The following PACRG variants were observed in gnomAD, a reference collection of about 807,000 sequenced individuals.
The protein encoded by PACRG is parkin coregulated.
In PACRG, 29 loss-of-function variants were observed where a neutral mutation model predicts 29.7. That is an observed-to-expected ratio of 0.98 (90% confidence interval 0.73 to 1.33). The LOEUF (loss-of-function observed/expected upper bound fraction) is 1.33. PACRG is among the 40% of genes most tolerant of loss of function. The probability of loss-of-function intolerance (pLI) is 0.00; values close to 1 mark genes in which losing one functional copy is unlikely to be tolerated. For synonymous variants in PACRG, 116 were observed against 118.7 expected (o/e 0.98, Z 0.15); for missense variants, 279 against 316.2 (o/e 0.88, Z 0.89).
At chr6:163,176,877 G>A (rs779872480) in intron 4 of PACRG, among the ~76,000 whole-genome samples, 26 of 152,124 alleles carry the variant, frequency 1.7e-4, no homozygotes, top group Non-Finnish European at 3.1e-4. Context: ...AATAATGGAG[G>A]GTGTTAAATG....
intron 2 of PACRG, among the ~76,000 whole-genome samples, chr6:162,906,632 G>A (rs1208398966): frequency 2.6e-5 from 4 of 152,208 alleles, no homozygotes; most frequent in African/African-American, 9.7e-5. Context: ...ATGTGCAGGT[G>A]ATGACAGCTC....
chr6:163,028,676 T>C (rs1005546676), intron 2 of PACRG, among the ~76,000 whole-genome samples: 1 of 152,222 alleles, frequency 6.6e-6, no homozygotes, highest in Non-Finnish European at 1.5e-5. Flanking sequence ...ACATCAATAA[T>C]ATAAAGACAT....
chr6:162,739,469 C>A (rs1422708557), intron 1 of PACRG, among the ~76,000 whole-genome samples: 1 of 152,040 alleles, frequency 6.6e-6, no homozygotes, highest in African/African-American at 2.4e-5. Flanking sequence ...ATTTTTACAT[C>A]TTTTTAATAC....
At chr6:163,236,616 A>G (rs1394198190) in intron 4 of PACRG, among the ~76,000 whole-genome samples, 3 of 152,192 alleles carry the variant, frequency 2.0e-5, no homozygotes, top group East Asian at 3.9e-4. Context: ...GCCATAATCA[A>G]TTACAAATGT....
At chr6:163,043,702 C>A (rs1027332594) in intron 2 of PACRG, among the ~76,000 whole-genome samples, 15 of 152,302 alleles carry the variant, frequency 9.8e-5, no homozygotes, top group Admixed American at 7.8e-4. Flanking sequence ...CTTTCCAGAA[C>A]TGGCTGATGA....
chr6:163,173,379 A>G (rs1779181009), intron 4 of PACRG, among the ~76,000 whole-genome samples: 1 of 152,238 alleles, frequency 6.6e-6, no homozygotes. Context: ...TTCCAAAAAC[A>G]GTGGCTCCTT....
At chr6:163,065,366 A>T (rs1222426096) in intron 3 of PACRG, among the ~76,000 whole-genome samples, 2 of 152,196 alleles carry the variant, frequency 1.3e-5, no homozygotes, top group Admixed American at 1.3e-4. Flanking sequence ...TACTCCATCC[A>T]GTAGGAAAAG....
At chr6:163,224,662 C>T (rs1468530528) in intron 4 of PACRG, among the ~76,000 whole-genome samples, 1 of 152,082 alleles carries the variant, frequency 6.6e-6, no homozygotes, top group Non-Finnish European at 1.5e-5. Context: ...GGCCTTATCT[C>T]ACAACATACA....
intron 3 of PACRG, 139 bp from the exon 4 acceptor site, chr6:163,089,120 C>A: frequency 1.3e-6 from 1 of 774,766 alleles, no homozygotes; most frequent in Non-Finnish European, 2.0e-6. Context: ...TCATCCAAAG[C>A]TATAATAATA....
chr6:163,175,338 T>C (rs1213308956), intron 4 of PACRG, among the ~76,000 whole-genome samples: 1 of 152,114 alleles, frequency 6.6e-6, no homozygotes, highest in African/African-American at 2.4e-5. Flanking sequence ...GAGACTTCTG[T>C]TGAAGCTTTG....
chr6:163,220,689 G>A (rs551593474), intron 4 of PACRG, among the ~76,000 whole-genome samples: 1 of 152,050 alleles, frequency 6.6e-6, no homozygotes, highest in African/African-American at 2.4e-5. Flanking sequence ...CTTTAATTAT[G>A]TTTTTTTAAG....
intron 4 of PACRG, among the ~76,000 whole-genome samples, chr6:163,167,754 C>G (rs1778881642): frequency 2.0e-5 from 3 of 152,150 alleles, no homozygotes; most frequent in Admixed American, 2.0e-4. Context: ...CTTGATTCTG[C>G]TCAAAACTCT....
chr6:163,277,631 A>G (rs1784089491), intron 4 of PACRG, among the ~76,000 whole-genome samples: 1 of 150,150 alleles, frequency 6.7e-6, no homozygotes, highest in South Asian at 2.1e-4. Flanking sequence ...ACATATATAC[A>G]TACGTGTATA....
intron 2 of PACRG, among the ~76,000 whole-genome samples, chr6:162,908,585 A>G (rs1413865281): frequency 6.6e-6 from 1 of 152,230 alleles, no homozygotes; most frequent in East Asian, 1.9e-4. Flanking sequence ...CCATTCCGAG[A>G]CATTCCATGT....
intron 2 of PACRG, among the ~76,000 whole-genome samples, chr6:162,860,327 C>G (rs1347859491): frequency 1.3e-5 from 2 of 151,962 alleles, no homozygotes; most frequent in Non-Finnish European, 2.9e-5. Context: ...GTAGTTTTCA[C>G]CAAATGAATT....
chr6:163,150,478 C>T (rs1778035765), intron 4 of PACRG, among the ~76,000 whole-genome samples: 1 of 152,054 alleles, frequency 6.6e-6, no homozygotes, highest in South Asian at 2.1e-4. Context: ...ACCATGGGGC[C>T]GTCTCCATGC....
At chr6:162,823,656 C>A (rs942151139) in intron 2 of PACRG, among the ~76,000 whole-genome samples, 1 of 151,768 alleles carries the variant, frequency 6.6e-6, no homozygotes. Flanking sequence ...GGACTACAGG[C>A]GCCCGCCACC....
chr6:162,807,829 CA>C (rs1786488831), intron 1 of PACRG, among the ~76,000 whole-genome samples: 1 of 152,264 alleles, frequency 6.6e-6, no homozygotes, highest in Non-Finnish European at 1.5e-5. Context: ...TAAATAAACA[CA>C]ATATCTGTGA....
chr6:163,006,881 T>C lies in PACRG; in HGVS notation c.292-55269T>C, dbSNP rs556638311. Among the ~76,000 whole-genome samples, 20 of 152,190 alleles carry C rather than the reference T, an allele frequency of 1.3e-4. No homozygotes were observed. In the East Asian group the frequency reaches 3.7e-3, roughly 28 times the overall value. On this transcript the variant is annotated intron_variant, in intron 2 of 4. Transcript: ENST00000366888. The stretch of plus-strand genomic sequence containing the variant: ...GCAGCTTATAATGTTGGCTTCTCTT[T>C]TATACAATCTGGCAATGTCTGCCTT...
Sources: allele counts gnomAD v4.1 joint callset (sites outside exome capture counted in the v4.1 genomes callset), GRCh38; gene constraint gnomAD v4.1.1; transcripts MANE v1.5; gene names NCBI Gene and HGNC (gene_info 2026-07-23, HGNC 2026-07-21).